Variants in DEK observed in about 807,000 individuals in gnomAD.
The protein encoded by DEK is DEK proto-oncogene, also known as protein DEK.
A neutral mutation model predicts 46.8 loss-of-function variants in DEK; 28 were observed. That is an observed-to-expected ratio of 0.60 (90% CI 0.44 to 0.82). The LOEUF (loss-of-function observed/expected upper bound fraction) is 0.82. Among genes scored for constraint, DEK ranks in the 40% least tolerant of loss-of-function variants. The pLI, the probability that DEK is intolerant of heterozygous loss-of-function variation, is 0.00. For missense variants in DEK, 416 were observed against 430.6 expected, an observed-to-expected ratio of 0.97 and a Z score of 0.30; for synonymous variants, 160 against 144.5, an observed-to-expected ratio of 1.11 and a Z score of -0.77.
At chr6:18,261,056 G>A (rs1308792527) in intron 2 of DEK, among the ~76,000 whole-genome samples, 1 of 151,714 alleles carries the variant, frequency 6.6e-6, no homozygotes, top group Non-Finnish European at 1.5e-5. Context: ...AATGGGGGGT[G>A]GACCCCTAGA....
At chr6:18,262,604 T>C in intron 2 of DEK, among the ~76,000 whole-genome samples, 1 of 152,170 alleles carries the variant, frequency 6.6e-6, no homozygotes, top group Admixed American at 6.5e-5. Flanking sequence ...ACATGACTTC[T>C]CTAATTTTTT....
Position 18,263,929 on chromosome 6 carries a change from T to C in DEK, c.59A>G (p.Glu20Gly). Residue 20 changes from glutamate (E) to glycine (G), a missense_variant, in exon 2 of 11, where the codon GAG becomes GGG. Coordinates refer to ENST00000652689, the MANE Select transcript of DEK (RefSeq NM_003472.4). ...GEGTPTQPASEKEPEMPGPRE... is the reference protein window; with the variant it reads ...GEGTPTQPASGKEPEMPGPRE... ...GGGACCGGGCATTTCGGGTTCTTTCTCGGACGCGGGCTGGGTGGGGGTTCC... is the reference window on the plus strand; with the variant it reads ...GGGACCGGGCATTTCGGGTTCTTTCCCGGACGCGGGCTGGGTGGGGGTTCC... 6.2e-7 allele frequency: 1 copy of C among 1,613,220 alleles called. No individual in the cohort carries two copies. The highest frequency in any genetic ancestry group is 8.5e-7 in the Non-Finnish European group (1 of 1,179,616).
chr6:18,258,068 G>GAAAA lies in DEK; in HGVS notation c.248-10_248-7dup. On this transcript the variant is annotated splice_region_variant and splice_polypyrimidine_tract_variant and intron_variant, in intron 3 of 10. Transcript: ENST00000652689. ...ACAAAGTTTCTGCCCCTTTCCTGGG[G>GAAAA]AAAAAAAAAAATCACAATTAAATAC... 1.6e-6 allele frequency: 2 copies of GAAAA among 1,269,682 alleles called. No individual in the cohort carries two copies. The highest frequency in any genetic ancestry group is 2.1e-6 in the Non-Finnish European group (2 of 943,606). 78.7% of individuals were successfully genotyped at this position (1,269,682 alleles called of 1,614,324 possible).
chr6:18,236,147 G>T (rs578173262), intron 9 of DEK, among the ~76,000 whole-genome samples: 1 of 152,110 alleles, frequency 6.6e-6, no homozygotes, highest in Non-Finnish European at 1.5e-5. Context: ...ATAAACTAAG[G>T]ATACATCAAT....
chr6:18,235,268 G>C (rs948737394), intron 9 of DEK, among the ~76,000 whole-genome samples: 1 of 152,074 alleles, frequency 6.6e-6, no homozygotes, highest in Non-Finnish European at 1.5e-5. Flanking sequence ...ACTCTAACAT[G>C]GCATATTTAA....
At chr6:18,251,594 G>A (rs968910462) in intron 6 of DEK, among the ~76,000 whole-genome samples, 4 of 152,164 alleles carry the variant, frequency 2.6e-5, no homozygotes, top group Admixed American at 2.6e-4. Context: ...ATAAGAAATC[G>A]TGAATGCATA....
At chr6:18,237,860 CTTTTTTTTTTTT>C (rs60332682) in intron 7 of DEK, among the ~76,000 whole-genome samples, 12 of 88,472 alleles carry the variant, frequency 1.4e-4, no homozygotes, top group East Asian at 1.1e-3. Context: ...CAACTGGAAT[CTTTTTTTTTTTT>C]TTTTTTTTTT....
intron 6 of DEK, among the ~76,000 whole-genome samples, chr6:18,252,484 A>G (rs1386202821): frequency 1.5e-5 from 2 of 134,850 alleles, no homozygotes; most frequent in Non-Finnish European, 3.1e-5. Context: ...ACTCCAGTCT[A>G]GGCAACAGAG....
At chr6:18,235,370 T>C (rs1227313517) in intron 9 of DEK, among the ~76,000 whole-genome samples, 1 of 152,196 alleles carries the variant, frequency 6.6e-6, no homozygotes, top group Non-Finnish European at 1.5e-5. Flanking sequence ...ACTATTCCTT[T>C]CAATTATTGT....
At position 18,252,009 on chromosome 6, in the gene DEK, C is replaced by T. The variant is rs924817564; in HGVS notation, c.574-2170G>A. On this transcript the variant is annotated intron_variant, in intron 6 of 10. Coordinates refer to ENST00000652689, the MANE Select transcript of DEK (RefSeq NM_003472.4). ...TAATATACAAATGCCTTAGAGTTTT[C>T]CTATACTACTCCAAAAATAGTTAAA... Among the ~76,000 whole-genome samples, 5 of 152,076 alleles carry T rather than the reference C, an allele frequency of 3.3e-5. No homozygotes were observed. The East Asian group carries it at 9.6e-4, about 29-fold the overall frequency.
At chr6:18,237,306 A>G in intron 8 of DEK, 75 bp downstream of exon 8, 1 of 1,479,726 alleles carries the variant, frequency 6.8e-7, no homozygotes. Context: ...TCTCCCACAC[A>G]CTTAAATACT....
chr6:18,225,080 G>C lies in DEK; in HGVS notation c.*639C>G. ...ATACCTACCTATGTGAGTTTAAAAA[G>C]TGATCTGCACAAAAGAAATAAAAAA... On this transcript the variant is annotated 3_prime_UTR_variant, in exon 11 of 11. Coordinates refer to ENST00000652689, the MANE Select transcript of DEK (RefSeq NM_003472.4). 1 of 214,452 alleles carries C rather than the reference G, an allele frequency of 4.7e-6. No individual in the cohort carries two copies. Among genetic ancestry groups the C allele is most frequent in the Non-Finnish European group, 9.4e-6 (1 of 106,112 alleles). 13.3% of individuals were successfully genotyped at this position (214,452 alleles called of 1,614,324 possible). A position where few individuals can be genotyped will look rare whatever the true frequency, so the allele number is the denominator to read the frequency against.
chr6:18,258,297 A>C lies in DEK; in HGVS notation c.247+7T>G, dbSNP rs1224470550. On this transcript the variant is annotated splice_region_variant and intron_variant, in intron 3 of 10. Coordinates refer to ENST00000652689, the MANE Select transcript of DEK (RefSeq NM_003472.4). ...CACAAAATGAAAGGAAGCTAGAATA[A>C]ACTTACCTTGTGCAATTGTAAATGG... 6.2e-7 allele frequency: 1 copy of C among 1,602,450 alleles called. No homozygotes were observed. Among genetic ancestry groups the C allele is most frequent in the Admixed American group, 1.7e-5 (1 of 57,554 alleles).
Position 18,242,275 on chromosome 6 carries a change from A to T in DEK, c.763-4759T>A, listed in dbSNP as rs114907599. Among the ~76,000 whole-genome samples the T allele has an allele frequency of 2.4e-3, 370 of 152,312 alleles. 2 individuals are homozygous for T. Among genetic ancestry groups the T allele is most frequent in the African/African-American group, 7.7e-3 (322 of 41,560 alleles). On this transcript the variant is annotated intron_variant, in intron 7 of 10. Transcript: ENST00000652689. ...CTACTAGGGTGGCTGTGCCACGAGA[A>T]TTGCTGAACCTGGGAGGTGGAGGTG...
intron 9 of DEK, 129 bp downstream of exon 9, chr6:18,236,323 T>G (rs1790644132): frequency 2.1e-6 from 2 of 933,882 alleles, no homozygotes; most frequent in Non-Finnish European, 3.1e-6. Flanking sequence ...TAAGGAGATC[T>G]GGCATATAGT....
chr6:18,260,869 C>A (rs760432849), intron 2 of DEK, among the ~76,000 whole-genome samples: 23 of 151,342 alleles, frequency 1.5e-4, no homozygotes, highest in Non-Finnish European at 2.9e-4. Context: ...GGCATGGTGG[C>A]GCATGCCTGT....
At chr6:18,257,920 T>C (rs776377433) in intron 4 of DEK, 33 bp downstream of exon 4, 17 of 1,463,756 alleles carry the variant, frequency 1.2e-5, no homozygotes, top group Non-Finnish European at 1.5e-5. Context: ...TGAAGTAATA[T>C]ACAAGTAGGT....
In DEK at chr6:18,264,478, C is replaced by A; in HGVS notation, c.-103G>T. On this transcript the variant is annotated 5_prime_UTR_variant, in exon 1 of 11. Transcript: ENST00000652689. ...GACGCCGAGGAGAAGGCGCGCGGGC[C>A]GCTGTCTGGCGTGACGCTCGCGCCG... is the stretch of plus-strand genomic sequence containing the variant. 3.6e-6 allele frequency: 1 copy of A among 276,590 alleles called. No individual in the cohort carries two copies. The highest frequency in any genetic ancestry group is 4.3e-5 in the Admixed American group (1 of 23,388). 17.1% of individuals were successfully genotyped at this position (276,590 alleles called of 1,614,324 possible).
chr6:18,237,735 G>A (rs1790720896), intron 7 of DEK, among the ~76,000 whole-genome samples: 1 of 151,664 alleles, frequency 6.6e-6, no homozygotes, highest in African/African-American at 2.4e-5. Flanking sequence ...CACAAGAGTT[G>A]CCCATATTTA....
Sources: allele counts gnomAD v4.1 joint callset (sites outside exome capture counted in the v4.1 genomes callset), GRCh38; gene constraint gnomAD v4.1.1; transcripts MANE v1.5; gene names NCBI Gene and HGNC (gene_info 2026-07-23, HGNC 2026-07-21).